Variants in KMT2E observed in about 807,000 individuals in gnomAD.
KMT2E encodes the protein lysine methyltransferase 2E (inactive).
Under a neutral mutation model 184.6 loss-of-function variants are expected in KMT2E, and 30 were observed. The ratio of observed to expected loss-of-function variants is 0.16; its 90% CI spans 0.12 to 0.22. The LOEUF (loss-of-function observed/expected upper bound fraction) is 0.22. KMT2E is among the 10% of genes least tolerant of loss of function. The probability of loss-of-function intolerance (pLI) is 1.00; values close to 1 mark genes in which losing one functional copy is unlikely to be tolerated. For synonymous variants in KMT2E, 815 were observed against 776.5 expected (o/e 1.05, Z -0.82); for missense variants, 2,023 against 2,237.4 (o/e 0.90, Z 1.93).
chr7:105,075,240 A>G (rs987200436), intron 8 of KMT2E, among the ~76,000 whole-genome samples: 1 of 151,192 alleles, frequency 6.6e-6, no homozygotes, highest in African/African-American at 2.4e-5. Flanking sequence ...GTCTACACAC[A>G]AATTTATTTA....
intron 23 of KMT2E, among the ~76,000 whole-genome samples, 163 bp from the exon 24 acceptor site, chr7:105,110,117 G>T (rs1021419790): frequency 1.3e-5 from 2 of 152,164 alleles, no homozygotes; most frequent in Non-Finnish European, 2.9e-5. Flanking sequence ...ACAGGCGTGA[G>T]CCACTGTGCC....
At chr7:105,023,554 C>T (rs1238852092) in intron 1 of KMT2E, among the ~76,000 whole-genome samples, 2 of 151,042 alleles carry the variant, frequency 1.3e-5, no homozygotes, top group African/African-American at 4.9e-5. Context: ...ATGCCATTCT[C>T]CTGCCTCAGC....
At chr7:105,031,364 G>C (rs1462100355) in intron 1 of KMT2E, among the ~76,000 whole-genome samples, 1 of 150,986 alleles carries the variant, frequency 6.6e-6, no homozygotes, top group Non-Finnish European at 1.5e-5. Context: ...CTGAGGATTG[G>C]GGGGGTGGTG....
intron 15 of KMT2E, among the ~76,000 whole-genome samples, chr7:105,100,614 G>C (rs1256488618): frequency 2.0e-5 from 3 of 152,140 alleles, no homozygotes; most frequent in Non-Finnish European, 1.5e-5. Flanking sequence ...AGGAACACTT[G>C]GCTGTTTCTC....
chr7:105,061,580 A>G (rs1266795506), intron 3 of KMT2E, among the ~76,000 whole-genome samples: 2 of 152,218 alleles, frequency 1.3e-5, no homozygotes, highest in African/African-American at 2.4e-5. Context: ...TTGTATCAGT[A>G]GTTGATCAGT....
At chr7:105,105,815 CTA>C (rs761229370) in intron 18 of KMT2E, 42 bp from the exon 19 acceptor site, 47 of 1,590,814 alleles carry the variant, frequency 3.0e-5, no homozygotes, top group Non-Finnish European at 3.7e-5. Flanking sequence ...ATATAAACAG[CTA>C]CAAAGTGATT....
At chr7:105,051,578 T>G (rs2129566179) in intron 3 of KMT2E, among the ~76,000 whole-genome samples, 1 of 152,264 alleles carries the variant, frequency 6.6e-6, no homozygotes, top group African/African-American at 2.4e-5. Context: ...CCCCTATGTC[T>G]AATTTATTGG....
chr7:105,067,999 A>T (rs1459204749), intron 6 of KMT2E, among the ~76,000 whole-genome samples: 1 of 152,146 alleles, frequency 6.6e-6, no homozygotes, highest in Non-Finnish European at 1.5e-5. Context: ...CAAAGCCATT[A>T]TTGTACATGG....
At chr7:105,035,922 T>C (rs1562882690) in intron 1 of KMT2E, among the ~76,000 whole-genome samples, 1 of 152,198 alleles carries the variant, frequency 6.6e-6, no homozygotes, top group Non-Finnish European at 1.5e-5. Context: ...TAATGCATTG[T>C]TACAGATTAA....
At chr7:105,081,377 C>T (rs1028949192) in intron 12 of KMT2E, among the ~76,000 whole-genome samples, 4 of 151,158 alleles carry the variant, frequency 2.6e-5, no homozygotes, top group East Asian at 1.9e-4. Context: ...GTGTGAGACT[C>T]GTCTCAAAAA....
chr7:105,043,030 C>G (rs1326063309), intron 3 of KMT2E, among the ~76,000 whole-genome samples: 1 of 152,086 alleles, frequency 6.6e-6, no homozygotes, highest in Non-Finnish European at 1.5e-5. Context: ...TCATCAAAAC[C>G]CACTTGCAGT....
At chr7:105,054,486 A>G (rs977360763) in intron 3 of KMT2E, among the ~76,000 whole-genome samples, 18 of 150,680 alleles carry the variant, frequency 1.2e-4, no homozygotes, top group East Asian at 6.6e-4. Context: ...CTATCTATCT[A>G]TCTATCTATC....
chr7:105,050,764 C>G (rs931143259), intron 3 of KMT2E, among the ~76,000 whole-genome samples: 2 of 151,358 alleles, frequency 1.3e-5, no homozygotes, highest in Non-Finnish European at 2.9e-5. Flanking sequence ...GACTCTTGCT[C>G]TGTCACCCAG....
intron 4 of KMT2E, 50 bp downstream of exon 4, chr7:105,062,328 A>C: frequency 4.9e-6 from 6 of 1,235,480 alleles, no homozygotes; most frequent in Non-Finnish European, 7.1e-6. Context: ...TTAGAGATTG[A>C]AAGTAGATGC....
rs1178623951 is a variant in KMT2E, at chr7:105,112,165, C to T, written c.4409C>T (p.Pro1470Leu). The T allele has an allele frequency of 1.2e-6, 2 of 1,614,168 alleles. No homozygotes were observed. Among genetic ancestry groups the T allele is most frequent in the South Asian group, 2.2e-5 (2 of 91,078 alleles). The change falls in exon 27 of 27, where the codon CCT (proline) becomes CTT (leucine). Residue 1470 changes from proline (P) to leucine (L), a missense_variant. Around this residue, in one of 8 missense-constraint regions of KMT2E, gnomAD observed 1,108 missense variants for 1,050.9 expected, o/e 1.05. Transcript: ENST00000311117. Reference sequence around the variant, plus strand: ...CATGGTTATCTTTCACCAAAGCCTCCTTCACAGCAGTTAGGATCTCCCTAC... The same window carrying T: ...CATGGTTATCTTTCACCAAAGCCTCTTTCACAGCAGTTAGGATCTCCCTAC... The part of the protein sequence containing the change: ...VQHGYLSPKP[P>L]SQQLGSPYRP...
chr7:105,056,516 T>C (rs1202757069), intron 3 of KMT2E, among the ~76,000 whole-genome samples: 2 of 152,200 alleles, frequency 1.3e-5, no homozygotes, highest in Non-Finnish European at 2.9e-5. Flanking sequence ...GCATGGGGTA[T>C]TGTCTTCCTC....
chr7:105,083,049 T>G (rs1207745128), intron 13 of KMT2E, among the ~76,000 whole-genome samples: 1 of 152,202 alleles, frequency 6.6e-6, no homozygotes, highest in African/African-American at 2.4e-5. Context: ...ATCCCCACCT[T>G]TTTTTGTTAT....
Position 105,113,281 on chromosome 7 carries a change from C to G in KMT2E, c.5525C>G (p.Ala1842Gly), listed in dbSNP as rs1393164606. The G allele has an allele frequency of 6.2e-7, 1 of 1,613,844 alleles. No individual in the cohort carries two copies. The highest frequency in any genetic ancestry group is 1.7e-5 in the Admixed American group (1 of 60,030). ...CCTGGACAGATTCCAATTCACAGAG[C>G]ACAGGTGCCACCAACATTTCAAAAC... ...PVPGQIPIHR[A>G]QVPPTFQNNY... The change falls in exon 27 of 27, where the codon GCA becomes GGA. Residue 1842 changes from alanine to glycine, a missense_variant. This residue lies in a region of KMT2E where 1,108 missense variants were observed against 1,050.9 expected (regional missense o/e 1.05). Transcript: ENST00000311117.
intron 6 of KMT2E, among the ~76,000 whole-genome samples, chr7:105,069,578 T>C (rs531751439): frequency 1.6e-4 from 24 of 152,352 alleles, no homozygotes; most frequent in Admixed American, 3.9e-4. Flanking sequence ...TACACACTTA[T>C]GTTGTTTAGG....
Sources: allele counts gnomAD v4.1 joint callset (sites outside exome capture counted in the v4.1 genomes callset), GRCh38; gene constraint gnomAD v4.1.1; regional missense constraint gnomAD v4.1.1; transcripts MANE v1.5; gene names NCBI Gene and HGNC (gene_info 2026-07-23, HGNC 2026-07-21).